ZNF804B: variants seen among roughly 807,000 people sequenced by gnomAD.
ZNF804B encodes the protein zinc finger protein 804B.
A neutral mutation model predicts 101.4 loss-of-function variants in ZNF804B; 80 were observed. That is an observed-to-expected ratio of 0.79 (90% CI 0.66 to 0.95). The LOEUF (loss-of-function observed/expected upper bound fraction) is 0.95. Ranked by LOEUF, ZNF804B falls within the 40% of genes least tolerant of loss-of-function variation. ZNF804B has a pLI of 0.00. For synonymous variants in ZNF804B, 622 were observed against 558.8 expected (o/e 1.11, Z -1.59); for missense variants, 1,673 against 1,561.9 (o/e 1.07, Z -1.20).
At chr7:89,298,392 C>T (rs1296698086) in intron 2 of ZNF804B, among the ~76,000 whole-genome samples, 1 of 149,808 alleles carries the variant, frequency 6.7e-6, no homozygotes, top group Non-Finnish European at 1.5e-5. Flanking sequence ...CTCCCCTAGC[C>T]CCCACCCCAC....
intron 1 of ZNF804B, among the ~76,000 whole-genome samples, chr7:89,041,563 G>T (rs182535443): frequency 1.3e-5 from 2 of 152,180 alleles, no homozygotes; most frequent in Non-Finnish European, 2.9e-5. Flanking sequence ...TTAAGGACTG[G>T]CCTGGCACCA....
intron 1 of ZNF804B, among the ~76,000 whole-genome samples, chr7:89,054,491 G>T (rs1789260457): frequency 6.6e-6 from 1 of 151,702 alleles, no homozygotes; most frequent in Non-Finnish European, 1.5e-5. Context: ...TTAAAGATTA[G>T]CATTTCAGAG....
intron 1 of ZNF804B, among the ~76,000 whole-genome samples, chr7:88,931,772 G>A (rs932228841): frequency 6.6e-5 from 10 of 151,740 alleles, no homozygotes; most frequent in Admixed American, 6.6e-4. Context: ...ATCAATAAAT[G>A]TCTGTTGAAT....
At chr7:88,854,531 C>CCTTCCCT (rs1554340255) in intron 1 of ZNF804B, among the ~76,000 whole-genome samples, 1 of 51,956 alleles carries the variant, frequency 1.9e-5, no homozygotes, top group African/African-American at 8.8e-5. Flanking sequence ...CCTTCCTTTC[C>CCTTCCCT]TTCCTTCCTT....
chr7:88,964,613 T>C (rs969781568), intron 1 of ZNF804B, among the ~76,000 whole-genome samples: 3 of 151,496 alleles, frequency 2.0e-5, no homozygotes, highest in Non-Finnish European at 3.0e-5. Context: ...GTGATGATTG[T>C]GCAACAATGT....
At chr7:89,070,195 T>G (rs1435493211) in intron 1 of ZNF804B, among the ~76,000 whole-genome samples, 1 of 152,206 alleles carries the variant, frequency 6.6e-6, no homozygotes, top group East Asian at 1.9e-4. Context: ...CAGGAGTAGA[T>G]GGCAGATATA....
intron 2 of ZNF804B, among the ~76,000 whole-genome samples, chr7:89,317,639 G>A (rs1484314728): frequency 6.6e-6 from 1 of 152,180 alleles, no homozygotes; most frequent in African/African-American, 2.4e-5. Flanking sequence ...GTAGAGGAAA[G>A]GAACTCAGAG....
At chr7:89,326,385 G>T (rs1228387992) in intron 2 of ZNF804B, among the ~76,000 whole-genome samples, 1 of 152,066 alleles carries the variant, frequency 6.6e-6, no homozygotes, top group Non-Finnish European at 1.5e-5. Flanking sequence ...TGCTCTGCAA[G>T]TGAGTAACAG....
At chr7:88,760,997 A>T (rs1282168716) in intron 1 of ZNF804B, among the ~76,000 whole-genome samples, 1 of 149,830 alleles carries the variant, frequency 6.7e-6, no homozygotes, top group African/African-American at 2.4e-5. Flanking sequence ...CCAACTTTTG[A>T]GGTTTCATAT....
At chr7:88,769,447 A>G (rs1322369932) in intron 1 of ZNF804B, among the ~76,000 whole-genome samples, 1 of 152,196 alleles carries the variant, frequency 6.6e-6, no homozygotes, top group African/African-American at 2.4e-5. Context: ...GCTTTATTCT[A>G]TGTAGCATTT....
At chr7:89,156,036 CTTT>C (rs1790962024) in intron 1 of ZNF804B, among the ~76,000 whole-genome samples, 63 of 56,756 alleles carry the variant, frequency 1.1e-3, no homozygotes, top group South Asian at 3.9e-3. Flanking sequence ...TTCTTTCTTT[CTTT>C]CTTTCTTTCT....
chr7:88,876,435 C>G (rs957428069), intron 1 of ZNF804B, among the ~76,000 whole-genome samples: 2 of 152,128 alleles, frequency 1.3e-5, no homozygotes, highest in African/African-American at 2.4e-5. Flanking sequence ...AACTATAATG[C>G]TTATTCCAGC....
intron 1 of ZNF804B, among the ~76,000 whole-genome samples, chr7:88,886,659 A>G (rs1792132914): frequency 6.6e-6 from 1 of 151,722 alleles, no homozygotes; most frequent in Non-Finnish European, 1.5e-5. Context: ...AAACAGACGC[A>G]TATAAGATGG....
At chr7:89,257,401 T>C (rs1350085920) in intron 2 of ZNF804B, among the ~76,000 whole-genome samples, 1 of 152,126 alleles carries the variant, frequency 6.6e-6, no homozygotes. Context: ...AAATTTCAGT[T>C]CTTGTTTTGC....
chr7:89,287,804 G>GA, intron 2 of ZNF804B, among the ~76,000 whole-genome samples: 1 of 151,442 alleles, frequency 6.6e-6, no homozygotes, highest in Non-Finnish European at 1.5e-5. Context: ...TGCAAACTCA[G>GA]AAAAAAAATC....
intron 1 of ZNF804B, among the ~76,000 whole-genome samples, chr7:88,937,519 G>T (rs1792990708): frequency 6.6e-6 from 1 of 152,056 alleles, no homozygotes; most frequent in South Asian, 2.1e-4. Context: ...ATAAATGAAT[G>T]AAAGTTTTGA....
intron 1 of ZNF804B, among the ~76,000 whole-genome samples, chr7:89,194,494 G>A (rs540970086): frequency 1.3e-5 from 2 of 150,258 alleles, no homozygotes; most frequent in South Asian, 2.1e-4. Flanking sequence ...TTTGTATAAG[G>A]TGTAAGGAAG....
chr7:89,141,132 G>A (rs1241653530), intron 1 of ZNF804B, among the ~76,000 whole-genome samples: 1 of 152,040 alleles, frequency 6.6e-6, no homozygotes, highest in Non-Finnish European at 1.5e-5. Flanking sequence ...TATGGATTAA[G>A]TTGGCCATCT....
At chr7:89,130,076 A>G (rs1790525038) in intron 1 of ZNF804B, among the ~76,000 whole-genome samples, 1 of 151,910 alleles carries the variant, frequency 6.6e-6, no homozygotes, top group South Asian at 2.1e-4. Context: ...CAGCTGTTGG[A>G]GGGTTATACA....
Sources: allele counts gnomAD v4.1 joint callset (sites outside exome capture counted in the v4.1 genomes callset), GRCh38; gene constraint gnomAD v4.1.1; transcripts MANE v1.5; gene names NCBI Gene and HGNC (gene_info 2026-07-23, HGNC 2026-07-21).